The following ZNF407 variants were observed in gnomAD, a reference collection of about 807,000 sequenced individuals.
ZNF407 encodes the protein zinc finger protein 407.
ZNF407 carries 17 observed loss-of-function variants against 131.2 expected under a neutral mutation model. The observed-to-expected ratio is 0.13, with a 90% CI of 0.09 to 0.19. The LOEUF (loss-of-function observed/expected upper bound fraction) is 0.19, where lower values mean the gene tolerates loss of function less well. Among genes scored for constraint, ZNF407 ranks in the 10% least tolerant of loss-of-function variants. The pLI is 1.00. For missense variants in ZNF407, 2,681 were observed against 2,830.6 expected, an observed-to-expected ratio of 0.95 and a Z score of 1.20; for synonymous variants, 1,156 against 1,062.0, an observed-to-expected ratio of 1.09 and a Z score of -1.72.
At chr18:75,058,134 G>C (rs1250993492) in intron 8 of ZNF407, among the ~76,000 whole-genome samples, 1 of 152,108 alleles carries the variant, frequency 6.6e-6, no homozygotes, top group Non-Finnish European at 1.5e-5. Context: ...AGTCTCTGCA[G>C]CTTAACCCCT....
At chr18:74,795,845 C>T (rs1969908502) in intron 4 of ZNF407, among the ~76,000 whole-genome samples, 1 of 152,212 alleles carries the variant, frequency 6.6e-6, no homozygotes, top group African/African-American at 2.4e-5. Context: ...TCATCCAGTA[C>T]CAGTGTAATA....
At chr18:74,886,494 T>G (rs1454233974) in intron 6 of ZNF407, among the ~76,000 whole-genome samples, 1 of 152,128 alleles carries the variant, frequency 6.6e-6, no homozygotes, top group African/African-American at 2.4e-5. Context: ...TGGAAACAAC[T>G]CAAATGTCCT....
intron 4 of ZNF407, among the ~76,000 whole-genome samples, chr18:74,823,221 TGGAAA>T (rs1255319657): frequency 6.6e-6 from 1 of 152,026 alleles, no homozygotes; most frequent in Non-Finnish European, 1.5e-5. Flanking sequence ...GCACTAAACA[TGGAAA>T]GGAACAACCA....
chr18:74,701,257 T>TAGGC (rs1415646251), intron 3 of ZNF407, among the ~76,000 whole-genome samples: 2 of 152,184 alleles, frequency 1.3e-5, no homozygotes, highest in Non-Finnish European at 2.9e-5. Context: ...ACTGAGACAG[T>TAGGC]AGGCAATTAT....
At chr18:74,616,009 A>G (rs1023115452) in intron 1 of ZNF407, among the ~76,000 whole-genome samples, 1 of 152,178 alleles carries the variant, frequency 6.6e-6, no homozygotes, top group Non-Finnish European at 1.5e-5. Context: ...GATTACAGGC[A>G]TGAGCCACCA....
At chr18:74,758,874 C>G (rs1005757138) in intron 3 of ZNF407, among the ~76,000 whole-genome samples, 1 of 152,078 alleles carries the variant, frequency 6.6e-6, no homozygotes, top group Non-Finnish European at 1.5e-5. Flanking sequence ...GTCACTATGC[C>G]TGGCCAAAAA....
At chr18:74,656,277 G>C (rs1985452458) in intron 3 of ZNF407, among the ~76,000 whole-genome samples, 2 of 151,978 alleles carry the variant, frequency 1.3e-5, no homozygotes, top group Non-Finnish European at 2.9e-5. Flanking sequence ...ATTTTTCTAA[G>C]ACACTAACAT....
intron 3 of ZNF407, among the ~76,000 whole-genome samples, chr18:74,653,845 A>G (rs1490383576): frequency 2.6e-5 from 4 of 151,748 alleles, no homozygotes. Context: ...TAAAATGATG[A>G]TTTTAGCTAT....
In ZNF407 at chr18:74,892,953, A is replaced by AT. The variant is rs201087994; in HGVS notation, c.5249+2923dup. Among the ~76,000 whole-genome samples the AT allele has an allele frequency of 5.8e-3, 885 of 151,964 alleles. 6 individuals are homozygous for AT. The highest frequency in any genetic ancestry group is 0.017 in the Middle Eastern group (5 of 294). ...TGATAGTATGACTGGAAAGGTTGTG[A>AT]TTTTTTTTCCTCTGATCAGTACTGT... On this transcript the variant is annotated intron_variant, in intron 7 of 8. Coordinates refer to ENST00000299687, the MANE Select transcript of ZNF407 (RefSeq NM_017757.3).
At chr18:75,031,106 A>G (rs574339045) in intron 8 of ZNF407, among the ~76,000 whole-genome samples, 1 of 152,198 alleles carries the variant, frequency 6.6e-6, no homozygotes, top group Admixed American at 6.5e-5. Flanking sequence ...CACCTGCAAG[A>G]CCTCACACTC....
intron 8 of ZNF407, among the ~76,000 whole-genome samples, chr18:74,943,686 C>A (rs1040069862): frequency 3.3e-5 from 5 of 152,162 alleles, no homozygotes; most frequent in Admixed American, 6.5e-5. Context: ...TGGACTATTT[C>A]CCGTGAAGTA....
intron 8 of ZNF407, among the ~76,000 whole-genome samples, chr18:74,957,345 T>C (rs1253624340): frequency 6.6e-6 from 1 of 152,140 alleles, no homozygotes; most frequent in Non-Finnish European, 1.5e-5. Context: ...AGGCAGATGC[T>C]TCACTCGCGG....
chr18:74,771,616 C>T (rs1311030960), intron 3 of ZNF407, among the ~76,000 whole-genome samples: 2 of 151,770 alleles, frequency 1.3e-5, no homozygotes, highest in Non-Finnish European at 2.9e-5. Context: ...AGGTTTCTGA[C>T]ACTTTAAAAA....
intron 4 of ZNF407, among the ~76,000 whole-genome samples, chr18:74,821,125 T>A (rs1970334467): frequency 6.6e-6 from 1 of 151,888 alleles, no homozygotes; most frequent in South Asian, 2.1e-4. Flanking sequence ...GGTACTAGTG[T>A]TATTAGGTTG....
intron 4 of ZNF407, among the ~76,000 whole-genome samples, chr18:74,783,261 T>C (rs1266865940): frequency 6.6e-6 from 1 of 152,184 alleles, no homozygotes; most frequent in African/African-American, 2.4e-5. Flanking sequence ...AACTGTTACT[T>C]TTCTGACTCT....
intron 3 of ZNF407, among the ~76,000 whole-genome samples, chr18:74,698,623 T>A (rs144775965): frequency 1.3e-5 from 2 of 152,300 alleles, no homozygotes; most frequent in Admixed American, 1.3e-4. Context: ...GGTGTTGAGC[T>A]CTTTGCTCCA....
At chr18:74,834,928 G>A (rs185217044) in intron 4 of ZNF407, among the ~76,000 whole-genome samples, 5 of 152,220 alleles carry the variant, frequency 3.3e-5, no homozygotes, top group Admixed American at 2.0e-4. Context: ...TCTTTCTTTC[G>A]TGATTTTTGT....
intron 3 of ZNF407, among the ~76,000 whole-genome samples, chr18:74,657,819 C>T (rs972304788): frequency 1.3e-5 from 2 of 152,256 alleles, no homozygotes; most frequent in African/African-American, 2.4e-5. Context: ...GAGGGGGAGT[C>T]AGGGAGTGTC....
chr18:75,034,038 A>C (rs1973276365), intron 8 of ZNF407, among the ~76,000 whole-genome samples: 1 of 152,196 alleles, frequency 6.6e-6, no homozygotes, highest in African/African-American at 2.4e-5. Flanking sequence ...CCTGATAATC[A>C]GAGTTTATCT....
Sources: gnomAD v4.1 joint callset for allele counts (sites outside exome capture counted in the v4.1 genomes callset) on GRCh38, gnomAD v4.1.1 for gene constraint, MANE v1.5 for transcripts, NCBI Gene and HGNC (gene_info 2026-07-23, HGNC 2026-07-21) for gene names.